BCL6B: variants seen among roughly 807,000 people sequenced by gnomAD.
BCL6B encodes B-cell CLL/lymphoma 6 member B protein.
A neutral mutation model predicts 44.6 loss-of-function variants in BCL6B; 28 were observed. The observed-to-expected ratio is 0.63, with a 90% CI of 0.47 to 0.86. The LOEUF is 0.86. Among genes scored for constraint, BCL6B ranks in the 40% least tolerant of loss-of-function variants. The pLI, the probability that BCL6B is intolerant of heterozygous loss-of-function variation, is 0.00. For missense variants in BCL6B, 626 were observed against 652.3 expected, an observed-to-expected ratio of 0.96 and a Z score of 0.44; for synonymous variants, 268 against 263.6, an observed-to-expected ratio of 1.02 and a Z score of -0.16.
At position 7,028,188 on chromosome 17, in the gene BCL6B, GT is replaced by G; in HGVS notation, c.*572del. The stretch of plus-strand genomic sequence containing the variant: ...CTTTCTCCTGTTTGTTTGCTTGTTA[GT>G]TTGTTTAAAATGGAAAAAGGGGTTC... On this transcript the variant is annotated 3_prime_UTR_variant, in exon 9 of 9. Transcript: ENST00000293805. 3 of 985,834 alleles carry G rather than the reference GT, an allele frequency of 3.0e-6. No individual in the cohort carries two copies. Among genetic ancestry groups the G allele is most frequent in the Non-Finnish European group, 3.6e-6 (3 of 830,258 alleles). The allele number at this position is 985,834 out of a possible 1,614,324, so 61.1% of individuals were successfully genotyped here.
Position 7,023,703 on chromosome 17 carries a change from T to C in BCL6B, c.32T>C (p.Leu11Pro), listed in dbSNP as rs751714248. The C allele has an allele frequency of 1.2e-6, 2 of 1,612,934 alleles. No homozygotes were observed. Among genetic ancestry groups the C allele is most frequent in the South Asian group, 1.1e-5 (1 of 91,076 alleles). The change falls in exon 2 of 9, where the codon CTG (leucine) becomes CCG (proline). Residue 11 changes from leucine to proline, a missense_variant. By Grantham distance (98) the Leu-to-Pro change is moderately conservative. Transcript: ENST00000293805. ...TCCCCCGCCGCCCCGGAGGGAGCGCTGGGCTACGTCCGCGAGTTCACTCGC... is the reference window on the plus strand; with the variant it reads ...TCCCCCGCCGCCCCGGAGGGAGCGCCGGGCTACGTCCGCGAGTTCACTCGC... MGSPAAPEGA[L>P]GYVREFTRHS...
At position 7,024,464 on chromosome 17, in the gene BCL6B, C is replaced by T. The variant is rs776508069; in HGVS notation, c.465C>T (p.Ala155=). The T allele has an allele frequency of 4.3e-6, 7 of 1,613,980 alleles. No individual in the cohort carries two copies. The highest frequency in any genetic ancestry group is 1.7e-4 in the Middle Eastern group (1 of 6,060). Residue 155 remains alanine, a synonymous_variant, in exon 4 of 9, where the codon GCC becomes GCT. Coordinates refer to ENST00000293805, the MANE Select transcript of BCL6B (RefSeq NM_181844.4). This position sits in a 1 kb window ranked among gnomAD's most constrained non-coding sequence, Gnocchi z 6.6. ...CAGAACCCCCAACACCCCCAACGGCCCCTCCACCAGGTAGTCCCAGGCGCT... is the reference window on the plus strand; with the variant it reads ...CAGAACCCCCAACACCCCCAACGGCTCCTCCACCAGGTAGTCCCAGGCGCT... The part of the protein sequence containing the change: ...LEAEPPTPPT[A]PPPGSPRRSE...
In BCL6B at chr17:7,029,449, CT is replaced by C. The variant is rs1371532986; in HGVS notation, c.*1832del. On this transcript the variant is annotated 3_prime_UTR_variant, in exon 9 of 9. Transcript: ENST00000293805. ...CCTGGGGACTAGTGAGAAAGCTACT[CT>C]TCTCCCTCTTCCCTCTTTCTCCCCA... is the stretch of plus-strand genomic sequence containing the variant. 19 of 1,035,346 alleles carry C rather than the reference CT, an allele frequency of 1.8e-5. No homozygotes were observed. The highest frequency in any genetic ancestry group is 2.2e-5 in the Non-Finnish European group (19 of 858,664). 64.1% of individuals were successfully genotyped at this position (1,035,346 alleles called of 1,614,324 possible).
At position 7,024,913 on chromosome 17, in the gene BCL6B, A is replaced by G; in HGVS notation, c.764+150A>G. The G allele has an allele frequency of 6.8e-7, 1 of 1,467,690 alleles. No individual in the cohort carries two copies. The highest frequency in any genetic ancestry group is 2.5e-5 in the Admixed American group (1 of 40,802). The allele number at this position is 1,467,690 out of a possible 1,614,324, so 90.9% of individuals were successfully genotyped here. ...AAGGAGCTGGCCAGAGACCAGGTTT[A>G]TTCAGCAGGGTGGCACTTGGGCAGT... On this transcript the variant is annotated intron_variant, in intron 4 of 8. Transcript: ENST00000293805. The surrounding 1 kb of genome is among the most constrained non-coding windows in gnomAD (Gnocchi z 6.6).
rs2151663161 is a variant in BCL6B at position 7,024,513 on chromosome 17, A to G, written c.514A>G (p.Thr172Ala). The G allele has an allele frequency of 6.2e-7, 1 of 1,613,200 alleles. No homozygotes were observed. The highest frequency in any genetic ancestry group is 1.1e-5 in the South Asian group (1 of 91,046). The change falls in exon 4 of 9, where the codon ACT becomes GCT. Residue 172 changes from threonine (T) to alanine (A), a missense_variant. Physicochemically the swap from Thr to Ala is moderately conservative, Grantham distance 58. Coordinates refer to ENST00000293805, the MANE Select transcript of BCL6B (RefSeq NM_181844.4). The surrounding 1 kb of genome is among the most constrained non-coding windows in gnomAD (Gnocchi z 6.6). ...CTCCGAAGGACACCCAGACCCACCT[A>G]CTGAATCTCGAAGCTGCAGTCAAGG... ...RRSEGHPDPP[T>A]ESRSCSQGPP...
rs1280493124 is a variant in BCL6B at position 7,023,730 on chromosome 17, ACTC to A, written c.64_66del (p.Ser22del). The A allele has an allele frequency of 1.2e-6, 2 of 1,612,946 alleles. No homozygotes were observed. Among genetic ancestry groups the A allele is most frequent in the Non-Finnish European group, 1.7e-6 (2 of 1,179,948 alleles). On this transcript the variant is annotated inframe_deletion, in exon 2 of 9. Coordinates refer to ENST00000293805, the MANE Select transcript of BCL6B (RefSeq NM_181844.4). ...GGCTACGTCCGCGAGTTCACTCGCC[ACTC>A]CTCCGACGTGCTGGGCAACCTCAAC...
At position 7,023,812 on chromosome 17, in the gene BCL6B, A is replaced by T. The variant is rs377439241; in HGVS notation, c.141A>T (p.Gln47His). ...LTDVTLLVGG[Q>H]PLRAHKAVLI... is the part of the protein sequence containing the mutation. ...ACGTCACGCTGCTGGTTGGCGGGCA[A>T]CCCCTCAGAGCACACAAGGCAGTTC... Residue 47 changes from glutamine (Q) to histidine (H), a missense_variant, in exon 2 of 9, where the codon CAA becomes CAT. Physicochemically the swap from Gln to His is conservative, Grantham distance 24 (BLOSUM62 0). Coordinates refer to ENST00000293805, the MANE Select transcript of BCL6B (RefSeq NM_181844.4). 1 of 1,410,210 alleles carries T rather than the reference A, an allele frequency of 7.1e-7. No homozygotes were observed. The allele number at this position is 1,410,210 out of a possible 1,614,324, so 87.4% of individuals were successfully genotyped here. A position where few individuals can be genotyped will look rare whatever the true frequency, so the allele number is the denominator to read the frequency against.
At chr17:7,023,912 G>A (rs1910199850) in intron 2 of BCL6B, 62 bp downstream of exon 2, 1 of 1,578,168 alleles carries the variant, frequency 6.3e-7, no homozygotes, top group Non-Finnish European at 8.6e-7. Flanking sequence ...CAGGGCCGTT[G>A]AGAGGGAATC....
chr17:7,028,382 A>G lies in BCL6B; in HGVS notation c.*763A>G. 1 of 834,692 alleles carries G rather than the reference A, an allele frequency of 1.2e-6. No homozygotes were observed. The highest frequency in any genetic ancestry group is 1.3e-6 in the Non-Finnish European group (1 of 762,110). 51.7% of individuals were successfully genotyped at this position (834,692 alleles called of 1,614,324 possible). A position where few individuals can be genotyped will look rare whatever the true frequency, so the allele number is the denominator to read the frequency against. The stretch of plus-strand genomic sequence containing the variant: ...GATACAGACATTTCTCTGTTCTTCA[A>G]GGGTGATAGGAACCATTATGTTGAG... On this transcript the variant is annotated 3_prime_UTR_variant, in exon 9 of 9. Coordinates refer to ENST00000293805, the MANE Select transcript of BCL6B (RefSeq NM_181844.4).
intron 8 of BCL6B, 78 bp downstream of exon 8, chr17:7,027,165 G>C: frequency 6.4e-7 from 1 of 1,560,266 alleles, no homozygotes; most frequent in Admixed American, 1.7e-5. Context: ...AGAGGTGCGG[G>C]CCTGGCTGTC....
rs1910228066 is a variant in BCL6B at position 7,024,510 on chromosome 17, C to T, written c.511C>T (p.Pro171Ser). 6.2e-7 allele frequency: 1 copy of T among 1,613,994 alleles called. No individual in the cohort carries two copies. Among genetic ancestry groups the T allele is most frequent in the Non-Finnish European group, 8.5e-7 (1 of 1,179,988 alleles). Residue 171 changes from proline to serine, a missense_variant, in exon 4 of 9, where the codon CCT becomes TCT. Physicochemically the swap from Pro to Ser is moderately conservative, Grantham distance 74. Transcript: ENST00000293805. This position sits in a 1 kb window ranked among gnomAD's most constrained non-coding sequence, Gnocchi z 6.6. ...PRRSEGHPDP[P>S]TESRSCSQGP... is the part of the protein sequence containing the mutation. ...GCGCTCCGAAGGACACCCAGACCCACCTACTGAATCTCGAAGCTGCAGTCA... is the reference window on the plus strand; with the variant it reads ...GCGCTCCGAAGGACACCCAGACCCATCTACTGAATCTCGAAGCTGCAGTCA...
In BCL6B at chr17:7,026,784, T is replaced by A; in HGVS notation, c.1134T>A (p.His378Gln). 6.2e-7 allele frequency: 1 copy of A among 1,614,152 alleles called. No homozygotes were observed. Among genetic ancestry groups the A allele is most frequent in the Non-Finnish European group, 8.5e-7 (1 of 1,180,038 alleles). The change falls in exon 7 of 9, where the codon CAT becomes CAA. Residue 378 changes from histidine (H) to glutamine (Q), a missense_variant. Transcript: ENST00000293805. ...ACCTGAAAACGCACAGCCGCATCCATTCGGGAGAGAAGCCGTATAAGTGTG... is the reference window on the plus strand; with the variant it reads ...ACCTGAAAACGCACAGCCGCATCCAATCGGGAGAGAAGCCGTATAAGTGTG... ...PANLKTHSRI[H>Q]SGEKPYKCET... is the part of the protein sequence containing the mutation.
intron 1 of BCL6B, chr17:7,023,338 G>T (rs978597958): frequency 1.2e-5 from 4 of 343,870 alleles, no homozygotes; most frequent in Non-Finnish European, 2.1e-5. Flanking sequence ...AGACACAGGC[G>T]CGCAGAGGGG....
rs1418791017 is a variant in BCL6B at position 7,023,827 on chromosome 17, C to A, written c.156C>A (p.His52Gln). 1 of 1,492,646 alleles carries A rather than the reference C, an allele frequency of 6.7e-7. No homozygotes were observed. Among genetic ancestry groups the A allele is most frequent in the Non-Finnish European group, 9.1e-7 (1 of 1,103,806 alleles). The allele number at this position is 1,492,646 out of a possible 1,614,324, so 92.5% of individuals were successfully genotyped here. A position where few individuals can be genotyped will look rare whatever the true frequency, so the allele number is the denominator to read the frequency against. The change falls in exon 2 of 9, where the codon CAC becomes CAA. Residue 52 changes from histidine (H) to glutamine (Q), a missense_variant. Transcript: ENST00000293805. ...LLVGGQPLRA[H>Q]KAVLIACSGF... ...TTGGCGGGCAACCCCTCAGAGCACA[C>A]AAGGCAGTTCTCATCGCCTGCAGGT...
rs764516720 is a variant in BCL6B at position 7,024,787 on chromosome 17, ATT to A, written c.764+26_764+27del. The A allele has an allele frequency of 2.5e-6, 4 of 1,580,662 alleles. No individual in the cohort carries two copies. In the African/African-American group the frequency reaches 5.4e-5, roughly 21 times the overall value. On this transcript the variant is annotated intron_variant, in intron 4 of 8. Coordinates refer to ENST00000293805, the MANE Select transcript of BCL6B (RefSeq NM_181844.4). This position sits in a 1 kb window ranked among gnomAD's most constrained non-coding sequence, Gnocchi z 6.6. ...AGGTACAGAGTCTAGAACCTCAAGA[ATT>A]TGTCAGAGCTGGCCTCAGCTAGAAG...
In BCL6B at chr17:7,028,555, T is replaced by G; in HGVS notation, c.*936T>G. On this transcript the variant is annotated 3_prime_UTR_variant, in exon 9 of 9. Transcript: ENST00000293805. ...AAAATGTCCCATTAATCTGGTCACT[T>G]GGGTTTGGCTCTGCTGTATCCATCT... 1 of 835,652 alleles carries G rather than the reference T, an allele frequency of 1.2e-6. No homozygotes were observed. Among genetic ancestry groups the G allele is most frequent in the Non-Finnish European group, 1.3e-6 (1 of 762,674 alleles). The allele number at this position is 835,652 out of a possible 1,614,324, so 51.8% of individuals were successfully genotyped here. A position where few individuals can be genotyped will look rare whatever the true frequency, so the allele number is the denominator to read the frequency against.
Position 7,029,008 on chromosome 17 carries a change from T to C in BCL6B, c.*1389T>C. ...CCTGGTCTTCCCATCCCTGCATTCC[T>C]GTCTGGAACCAGTGAATGCATTAGA... On this transcript the variant is annotated 3_prime_UTR_variant, in exon 9 of 9. Coordinates refer to ENST00000293805, the MANE Select transcript of BCL6B (RefSeq NM_181844.4). 1.0e-6 allele frequency: 1 copy of C among 985,468 alleles called. No homozygotes were observed. Among genetic ancestry groups the C allele is most frequent in the South Asian group, 4.7e-5 (1 of 21,292 alleles). The allele number at this position is 985,468 out of a possible 1,614,324, so 61.0% of individuals were successfully genotyped here.
Position 7,029,098 on chromosome 17 carries a change from T to A in BCL6B, c.*1479T>A. ...GGGTTTGCTGTAGTTTGGTTGGGAT[T>A]ATTGTTGGCATTACAGATGTAAAAG... On this transcript the variant is annotated 3_prime_UTR_variant, in exon 9 of 9. Transcript: ENST00000293805. The A allele has an allele frequency of 4.1e-6, 4 of 985,486 alleles. No individual in the cohort carries two copies. Among genetic ancestry groups the A allele is most frequent in the Non-Finnish European group, 4.8e-6 (4 of 829,962 alleles). The allele number at this position is 985,486 out of a possible 1,614,324, so 61.0% of individuals were successfully genotyped here. A position where few individuals can be genotyped will look rare whatever the true frequency, so the allele number is the denominator to read the frequency against.
In BCL6B at chr17:7,028,612, G is replaced by C. The variant is rs1910369646; in HGVS notation, c.*993G>C. ...GTAGAGACCCACCAGGGCTCAAGTG[G>C]AGTCCATCATCCTCCCACGGGGGCC... On this transcript the variant is annotated 3_prime_UTR_variant, in exon 9 of 9. Transcript: ENST00000293805. 1 of 981,134 alleles carries C rather than the reference G, an allele frequency of 1.0e-6. No individual in the cohort carries two copies. Among genetic ancestry groups the C allele is most frequent in the Admixed American group, 6.4e-5 (1 of 15,672 alleles). 60.8% of individuals were successfully genotyped at this position (981,134 alleles called of 1,614,324 possible). A position where few individuals can be genotyped will look rare whatever the true frequency, so the allele number is the denominator to read the frequency against.
Sources: allele counts gnomAD v4.1 joint callset, GRCh38; gene constraint gnomAD v4.1.1; non-coding constraint Gnocchi (gnomAD v3.1); transcripts MANE v1.5; gene names NCBI Gene and HGNC (gene_info 2026-07-23, HGNC 2026-07-21).